The following MPRIP variants were observed in gnomAD, a reference collection of about 807,000 sequenced individuals.
MPRIP encodes the protein myosin phosphatase Rho interacting protein.
A neutral mutation model predicts 234.9 loss-of-function variants in MPRIP; 59 were observed. That is an observed-to-expected ratio of 0.25 (90% CI 0.20 to 0.31). The LOEUF (loss-of-function observed/expected upper bound fraction) is 0.31. Ranked by LOEUF, MPRIP falls within the 10% of genes least tolerant of loss-of-function variation. The pLI, the probability that MPRIP is intolerant of heterozygous loss-of-function variation, is 1.00. For synonymous variants in MPRIP, 1,144 were observed against 1,263.9 expected (o/e 0.91, Z 2.01); for missense variants, 2,436 against 3,071.0 (o/e 0.79, Z 4.89).
chr17:17,163,339 A>G (rs559677372), intron 15 of MPRIP, among the ~76,000 whole-genome samples: 5 of 152,162 alleles, frequency 3.3e-5, no homozygotes, highest in African/African-American at 1.2e-4. Context: ...GTTTTTCCCT[A>G]TATTAATGAG....
At chr17:17,177,565 C>T (rs980929272) in intron 22 of MPRIP, among the ~76,000 whole-genome samples, 153 bp downstream of exon 22, 2 of 152,246 alleles carry the variant, frequency 1.3e-5, no homozygotes, top group African/African-American at 2.4e-5. Context: ...CAGCTTCACA[C>T]GGCTGCCCCA....
At chr17:17,061,218 T>C (rs73277614) in intron 1 of MPRIP, among the ~76,000 whole-genome samples, 2,345 of 152,342 alleles carry the variant, frequency 0.015, 81 homozygotes, top group African/African-American at 0.053. Flanking sequence ...GACTGGACTT[T>C]GCTGTGTGCT....
chr17:17,180,456 C>T (rs1312693451), intron 23 of MPRIP: 1 of 769,644 alleles, frequency 1.3e-6, no homozygotes, highest in East Asian at 2.4e-5. Flanking sequence ...AGAGATGATG[C>T]TGCCTGCTCT....
intron 9 of MPRIP, among the ~76,000 whole-genome samples, chr17:17,144,448 C>T (rs2045411774): frequency 6.6e-6 from 1 of 152,232 alleles, no homozygotes; most frequent in African/African-American, 2.4e-5. Flanking sequence ...AGCGCCTTCC[C>T]CAACAGAGAA....
intron 3 of MPRIP, among the ~76,000 whole-genome samples, chr17:17,094,875 G>A (rs2089804042): frequency 6.6e-6 from 1 of 152,014 alleles, no homozygotes; most frequent in Non-Finnish European, 1.5e-5. Flanking sequence ...GCCTCCCAAA[G>A]TGCTGTGATT....
rs959696165 is a variant in MPRIP at position 17,166,179 on chromosome 17, G to A, written c.4588G>A (p.Ala1530Thr). 7.7e-6 allele frequency: 10 copies of A among 1,302,726 alleles called. 1 individual carries two copies. The highest frequency in any genetic ancestry group is 6.9e-5 in the Admixed American group (3 of 43,452). The allele number at this position is 1,302,726 out of a possible 1,614,324, so 80.7% of individuals were successfully genotyped here. Residue 1530 changes from alanine to threonine, a missense_variant, in exon 16 of 24, where the codon GCC (alanine) becomes ACC (threonine). Ala to Thr is a moderately conservative substitution (Grantham distance 58). Transcript: ENST00000651222. This position sits in a 1 kb window ranked among gnomAD's most constrained non-coding sequence, Gnocchi z 4.4. Reference sequence around the variant, plus strand: ...CTGGCCGGCCCCAGCCCATGGCGGGGCCCGTGCACAGCTGGAGACAGGTGG... The same window carrying A: ...CTGGCCGGCCCCAGCCCATGGCGGGACCCGTGCACAGCTGGAGACAGGTGG... ...QHWPAPAHGG[A>T]RAQLETGGTE... is the part of the protein sequence containing the mutation.
intron 3 of MPRIP, among the ~76,000 whole-genome samples, chr17:17,119,678 A>G (rs1567727621): frequency 6.6e-6 from 1 of 152,190 alleles, no homozygotes; most frequent in Non-Finnish European, 1.5e-5. Context: ...CTGCAAGGCA[A>G]TTCCCTGTGT....
chr17:17,158,112 C>A (rs982299547), intron 13 of MPRIP, among the ~76,000 whole-genome samples: 3 of 152,166 alleles, frequency 2.0e-5, no homozygotes, highest in Non-Finnish European at 4.4e-5. Context: ...CCACAGTGAG[C>A]CCCTCACAGC....
chr17:17,076,407 C>G (rs2089329470), intron 2 of MPRIP: 1 of 152,326 alleles, frequency 6.6e-6, no homozygotes, highest in Admixed American at 6.5e-5. Flanking sequence ...CACTCAGCCC[C>G]CTCCATCCCC....
rs752604273 is a variant in MPRIP, at chr17:17,161,323, G to C, written c.2484G>C (p.Arg828=). The change falls in exon 15 of 24, where the codon CGG becomes CGC. Residue 828 remains arginine, a synonymous_variant. Transcript: ENST00000651222. ...ACCAGCTGAGGGTGGCCCTGGGCCGGGAGCAGAGCGCCCGTGAGGGCTACG... is the reference window on the plus strand; with the variant it reads ...ACCAGCTGAGGGTGGCCCTGGGCCGCGAGCAGAGCGCCCGTGAGGGCTACG... The part of the protein sequence containing the change: ...LQDQLRVALG[R]EQSAREGYVL... 6.3e-7 allele frequency: 1 copy of C among 1,590,528 alleles called. No individual in the cohort carries two copies. The highest frequency in any genetic ancestry group is 8.6e-7 in the Non-Finnish European group (1 of 1,166,332).
chr17:17,178,345 A>G (rs2046301899), intron 22 of MPRIP: 1 of 152,198 alleles, frequency 6.6e-6, no homozygotes, highest in African/African-American at 2.4e-5. Context: ...TCTGTCAGGC[A>G]AGGAATAGTG....
rs2089388754 is a variant in MPRIP, at chr17:17,078,553, C to A, written c.267+477C>A. Among the ~76,000 whole-genome samples the A allele has an allele frequency of 6.6e-6, 1 of 152,208 alleles. No individual in the cohort carries two copies. On this transcript the variant is annotated intron_variant, in intron 3 of 23. Coordinates refer to ENST00000651222, the MANE Select transcript of MPRIP (RefSeq NM_001364716.4). The surrounding 1 kb of genome is among the most constrained non-coding windows in gnomAD (Gnocchi z 4.3). ...AGCTTGGCTTAGTTTTCCGAGCTGA[C>A]TTCAGAGGCCTCCTGGTCACAAGGT...
At chr17:17,108,192 C>T (rs964604291) in intron 3 of MPRIP, among the ~76,000 whole-genome samples, 1 of 152,160 alleles carries the variant, frequency 6.6e-6, no homozygotes, top group African/African-American at 2.4e-5. Context: ...GAATCATAAT[C>T]GCAGCTCCAG....
intron 9 of MPRIP, among the ~76,000 whole-genome samples, chr17:17,145,231 T>C (rs372489628): frequency 4.8e-4 from 73 of 152,360 alleles, no homozygotes; most frequent in African/African-American, 1.6e-3. Flanking sequence ...CTGGTAGTTA[T>C]CCTGACAATT....
intron 1 of MPRIP, among the ~76,000 whole-genome samples, chr17:17,051,765 C>T (rs1268364916): frequency 1.3e-5 from 2 of 152,250 alleles, no homozygotes; most frequent in Non-Finnish European, 2.9e-5. Flanking sequence ...TCTCTGGAAG[C>T]TGGAACTGAA....
intron 3 of MPRIP, among the ~76,000 whole-genome samples, chr17:17,121,556 A>T (rs557341111): frequency 1.8e-4 from 28 of 152,332 alleles, no homozygotes; most frequent in African/African-American, 6.5e-4. Flanking sequence ...CATGAGCACC[A>T]TTGTGCCCTG....
chr17:17,125,766 A>T (rs1302312148), intron 3 of MPRIP, among the ~76,000 whole-genome samples: 1 of 152,164 alleles, frequency 6.6e-6, no homozygotes, highest in Non-Finnish European at 1.5e-5. Context: ...CACCCCTCAG[A>T]TGGATCAGAA....
rs1303621167 is a variant in MPRIP, at chr17:17,075,776, C to T, written c.190C>T (p.His64Tyr). Residue 64 changes from histidine to tyrosine, a missense_variant, in exon 2 of 24, where the codon CAC becomes TAC. His to Tyr is a moderately conservative substitution (Grantham distance 83). Around this residue, in one of 4 missense-constraint regions of MPRIP, gnomAD observed 140 missense variants for 207.3 expected, o/e 0.68. Coordinates refer to ENST00000651222, the MANE Select transcript of MPRIP (RefSeq NM_001364716.4). ...PDGTDFDNPV[H>Y]RSRKWQRRFF... Reference sequence around the variant, plus strand: ...TGGGACCGACTTTGACAACCCAGTGCACCGGTCTCGGGTAAGGGCATCAGA... The same window carrying T: ...TGGGACCGACTTTGACAACCCAGTGTACCGGTCTCGGGTAAGGGCATCAGA... 2 of 1,614,004 alleles carry T rather than the reference C, an allele frequency of 1.2e-6. No homozygotes were observed. The highest frequency in any genetic ancestry group is 1.3e-5 in the African/African-American group (1 of 74,906).
At chr17:17,094,821 A>C (rs1324506613) in intron 3 of MPRIP, among the ~76,000 whole-genome samples, 1 of 152,010 alleles carries the variant, frequency 6.6e-6, no homozygotes, top group South Asian at 2.1e-4. Context: ...CATGTTTCCC[A>C]GGCCAGCCTC....
Sources: gnomAD v4.1 joint callset for allele counts (sites outside exome capture counted in the v4.1 genomes callset) on GRCh38, gnomAD v4.1.1 for gene constraint, gnomAD v4.1.1 regional missense constraint, Gnocchi (gnomAD v3.1) non-coding constraint, MANE v1.5 for transcripts, NCBI Gene and HGNC (gene_info 2026-07-23, HGNC 2026-07-21) for gene names.